Variants in MTCL1 observed in about 807,000 individuals in gnomAD.
MTCL1 encodes the protein microtubule cross-linking factor 1.
In MTCL1, 79 loss-of-function variants were observed where a neutral mutation model predicts 141.4. The observed-to-expected ratio is 0.56, with a 90% CI of 0.47 to 0.67. The LOEUF (loss-of-function observed/expected upper bound fraction) is 0.67. Ranked by LOEUF, MTCL1 falls within the 30% of genes least tolerant of loss-of-function variation. The pLI is 0.00. For missense variants in MTCL1, 2,177 were observed against 2,113.9 expected (o/e 1.03, Z -0.59); for synonymous variants, 914 against 875.8 (o/e 1.04, Z -0.77).
At chr18:8,783,711 C>T (rs2096540541) in exon 6 of MTCL1, 1 of 1,607,620 alleles carries the variant, frequency 6.2e-7, no homozygotes, top group Admixed American at 1.7e-5. Flanking sequence ...GGCGGGCCCC[C>T]CAGCACCCGG....
chr18:8,774,562 A>G (rs1017004580), intron 4 of MTCL1, among the ~76,000 whole-genome samples: 1 of 151,760 alleles, frequency 6.6e-6, no homozygotes, highest in Non-Finnish European at 1.5e-5. Flanking sequence ...ATCTCAGCTC[A>G]GTGCAACCTC....
rs372170120 is a variant in MTCL1 at position 8,762,064 on chromosome 18, G to A, written c.358-15769G>A. Among the ~76,000 whole-genome samples the A allele has an allele frequency of 2.0e-5, 3 of 152,240 alleles. No individual in the cohort carries two copies. The East Asian group carries it at 5.8e-4, about 29-fold the overall frequency. The stretch of plus-strand genomic sequence containing the variant: ...CCATGGTACATACTGATCATGTTTT[G>A]TTTATCCATCCAGGTGTTGATGAAC... On this transcript the variant is annotated intron_variant, in intron 4 of 16. Transcript: ENST00000359865.
intron 3 of MTCL1, among the ~76,000 whole-genome samples, chr18:8,718,919 T>C (rs1218104587): frequency 6.6e-6 from 1 of 152,214 alleles, no homozygotes; most frequent in Non-Finnish European, 1.5e-5. Context: ...GACAATTGGA[T>C]AGAAATTCTG....
At chr18:8,772,311 A>G (rs927410785) in intron 4 of MTCL1, among the ~76,000 whole-genome samples, 1 of 152,262 alleles carries the variant, frequency 6.6e-6, no homozygotes, top group Non-Finnish European at 1.5e-5. Context: ...AAGAGACCCA[A>G]GAAATCGGTG....
intron 1 of MTCL1, 114 bp downstream of exon 1, chr18:8,706,827 C>G (rs1052347814): frequency 2.0e-5 from 29 of 1,462,218 alleles, no homozygotes; most frequent in Non-Finnish European, 2.5e-5. Flanking sequence ...CCCTCCTGCT[C>G]TCCACGGTCC....
At chr18:8,816,925 C>G (rs1214706796) in intron 12 of MTCL1, among the ~76,000 whole-genome samples, 1 of 152,170 alleles carries the variant, frequency 6.6e-6, no homozygotes. Flanking sequence ...ATTACAACAC[C>G]CCAGAGGCAT....
intron 5 of MTCL1, among the ~76,000 whole-genome samples, chr18:8,781,838 A>T (rs1025254149): frequency 1.3e-5 from 2 of 152,256 alleles, no homozygotes; most frequent in African/African-American, 4.8e-5. Context: ...CCCCAAGTCC[A>T]GCAGGCCTGG....
upstream of MTCL1, among the ~76,000 whole-genome samples, chr18:8,716,569 A>ATTTTTTTTTTTTT (rs138840096): frequency 3.9e-5 from 4 of 103,896 alleles, no homozygotes; most frequent in African/African-American, 7.7e-5. Flanking sequence ...CTTTTTGTTC[A>ATTTTTTTTTTTTT]TTTTTTTTTT....
intron 4 of MTCL1, among the ~76,000 whole-genome samples, chr18:8,734,110 G>A (rs1053025157): frequency 9.2e-5 from 14 of 152,016 alleles, no homozygotes; most frequent in East Asian, 1.9e-4. Context: ...CTCTGCTGTC[G>A]TTTTAGACTG....
intron 11 of MTCL1, chr18:8,809,783 T>G: frequency 1.6e-6 from 1 of 640,808 alleles, no homozygotes; most frequent in South Asian, 2.0e-5. Context: ...CCAGTTGGGA[T>G]GGAAAGGGGA....
intron 4 of MTCL1, among the ~76,000 whole-genome samples, chr18:8,720,794 A>G (rs959431488): frequency 6.6e-6 from 1 of 152,228 alleles, no homozygotes; most frequent in African/African-American, 2.4e-5. Context: ...GAAAACGCTT[A>G]TTGGGCCCTG....
At chr18:8,770,856 G>A (rs2096482644) in intron 4 of MTCL1, among the ~76,000 whole-genome samples, 1 of 152,146 alleles carries the variant, frequency 6.6e-6, no homozygotes, top group South Asian at 2.1e-4. Context: ...GGGTCCTGTT[G>A]TGTAATTCCA....
intron 4 of MTCL1, among the ~76,000 whole-genome samples, chr18:8,756,377 A>ATGTATATATG (rs2096398672): frequency 6.8e-6 from 1 of 147,158 alleles, no homozygotes; most frequent in African/African-American, 2.7e-5. Flanking sequence ...ATGTGTATAT[A>ATGTATATATG]TGTATATATG....
At position 8,742,229 on chromosome 18, in the gene MTCL1, G is replaced by A. The variant is rs547232297; in HGVS notation, c.357+21733G>A. Among the ~76,000 whole-genome samples the A allele has an allele frequency of 1.6e-4, 24 of 152,254 alleles. No individual in the cohort carries two copies. The East Asian group carries it at 3.7e-3, about 23-fold the overall frequency. On this transcript the variant is annotated intron_variant, in intron 4 of 16. Coordinates refer to ENST00000359865, the Ensembl canonical transcript of MTCL1. ...TATACAGAGAATAATGTAAGGATGCGTGAGATACCTGTCTCCAACCTTTCC... is the reference window on the plus strand; with the variant it reads ...TATACAGAGAATAATGTAAGGATGCATGAGATACCTGTCTCCAACCTTTCC...
intron 4 of MTCL1, among the ~76,000 whole-genome samples, chr18:8,771,679 A>G (rs778090497): frequency 6.6e-6 from 1 of 152,258 alleles, no homozygotes; most frequent in Non-Finnish European, 1.5e-5. Flanking sequence ...ATGAAAGTCC[A>G]AATAATTGCC....
At chr18:8,827,151 C>A (rs569319607) in intron 15 of MTCL1, among the ~76,000 whole-genome samples, 1 of 152,354 alleles carries the variant, frequency 6.6e-6, no homozygotes, top group African/African-American at 2.4e-5. Flanking sequence ...CCGAGCCAGG[C>A]TGCTCCCGCA....
At chr18:8,821,315 G>T in intron 13 of MTCL1, 152 bp from the exon 13 acceptor site, 1 of 571,828 alleles carries the variant, frequency 1.7e-6, no homozygotes, top group East Asian at 3.4e-5. Context: ...AAGGCCTCAG[G>T]GCAGTAGCAC....
At chr18:8,736,316 T>G (rs1318968391) in intron 4 of MTCL1, among the ~76,000 whole-genome samples, 1 of 150,954 alleles carries the variant, frequency 6.6e-6, no homozygotes, top group African/African-American at 2.4e-5. Flanking sequence ...TGGGGTTACA[T>G]CCGATAAACC....
intron 4 of MTCL1, among the ~76,000 whole-genome samples, chr18:8,732,058 A>G (rs148386158): frequency 2.6e-5 from 4 of 152,260 alleles, no homozygotes; most frequent in Non-Finnish European, 4.4e-5. Flanking sequence ...TATATGCTAC[A>G]AGTCATGTTA....
Sources: gnomAD v4.1 joint callset for allele counts (sites outside exome capture counted in the v4.1 genomes callset) on GRCh38, gnomAD v4.1.1 for gene constraint, MANE v1.5 for transcripts, NCBI Gene and HGNC (gene_info 2026-07-23, HGNC 2026-07-21) for gene names.